RNF150: variants seen among roughly 807,000 people sequenced by gnomAD.
RNF150 encodes the protein ring finger protein 150.
RNF150 carries 24 observed loss-of-function variants against 39.3 expected under a neutral mutation model. That is an observed-to-expected ratio of 0.61 (90% CI 0.44 to 0.86). The LOEUF is 0.86. RNF150 is among the 40% of genes least tolerant of loss of function. RNF150 has a pLI of 0.00. For missense variants in RNF150, 502 were observed against 587.8 expected (o/e 0.85, Z 1.51); for synonymous variants, 255 against 227.3 (o/e 1.12, Z -1.10).
At chr4:140,995,111 TTAACCATCCCCAC>T (rs1419819210) in intron 1 of RNF150, among the ~76,000 whole-genome samples, 2 of 152,184 alleles carry the variant, frequency 1.3e-5, no homozygotes, top group Non-Finnish European at 2.9e-5. Flanking sequence ...TTTGTACCCA[TTAACCATCCCCAC>T]TCCAACCCTA....
chr4:141,131,342 C>G (rs1375100844), intron 1 of RNF150, among the ~76,000 whole-genome samples: 1 of 152,278 alleles, frequency 6.6e-6, no homozygotes, highest in Non-Finnish European at 1.5e-5. Context: ...CCAGAAACCC[C>G]TTTGGGGAAG....
chr4:141,180,020 A>G (rs1727878483), intron 1 of RNF150, among the ~76,000 whole-genome samples: 1 of 152,160 alleles, frequency 6.6e-6, no homozygotes, highest in African/African-American at 2.4e-5. Flanking sequence ...AGCATCTCAG[A>G]TAATTCGGTT....
chr4:140,914,495 A>C (rs1730737966), intron 5 of RNF150, among the ~76,000 whole-genome samples: 1 of 152,258 alleles, frequency 6.6e-6, no homozygotes, highest in African/African-American at 2.4e-5. Flanking sequence ...AATCTTGTGA[A>C]TACACCAGGT....
intron 1 of RNF150, among the ~76,000 whole-genome samples, chr4:141,116,085 A>G (rs1258604431): frequency 6.6e-6 from 1 of 152,236 alleles, no homozygotes; most frequent in African/African-American, 2.4e-5. Flanking sequence ...GGCATGGGCA[A>G]AGACTTCATG....
intron 1 of RNF150, among the ~76,000 whole-genome samples, chr4:141,055,090 T>C (rs1164748764): frequency 6.6e-6 from 1 of 152,154 alleles, no homozygotes; most frequent in East Asian, 1.9e-4. Context: ...TTGGAAGGAA[T>C]AGTGGTATGT....
At chr4:141,144,505 A>G (rs1022364478) in intron 1 of RNF150, among the ~76,000 whole-genome samples, 1 of 152,028 alleles carries the variant, frequency 6.6e-6, no homozygotes, top group Non-Finnish European at 1.5e-5. Context: ...GAGATCGTGA[A>G]TTCTATGCAG....
intron 4 of RNF150, among the ~76,000 whole-genome samples, chr4:140,935,008 A>AAT (rs1180384800): frequency 2.5e-5 from 2 of 80,038 alleles, no homozygotes; most frequent in East Asian, 3.3e-4. Flanking sequence ...TATATATATA[A>AAT]ATATATATAT....
At chr4:141,149,688 G>A (rs1727265347) in intron 1 of RNF150, among the ~76,000 whole-genome samples, 1 of 152,158 alleles carries the variant, frequency 6.6e-6, no homozygotes, top group Admixed American at 6.5e-5. Flanking sequence ...CAGTTGTGCT[G>A]CTATAAACAT....
intron 4 of RNF150, among the ~76,000 whole-genome samples, chr4:140,930,942 G>GTT (rs34765057): frequency 1.2e-3 from 188 of 151,136 alleles, no homozygotes; most frequent in South Asian, 1.1e-3. Flanking sequence ...ATCTGCTGGG[G>GTT]TTTTTTTTTG....
chr4:140,891,067 C>G (rs1729737700), intron 6 of RNF150, among the ~76,000 whole-genome samples: 2 of 152,174 alleles, frequency 1.3e-5, no homozygotes, highest in Admixed American at 1.3e-4. Flanking sequence ...TTATTATATT[C>G]CATGCTCATG....
At chr4:141,141,088 C>A (rs536815487) in intron 1 of RNF150, among the ~76,000 whole-genome samples, 1 of 152,184 alleles carries the variant, frequency 6.6e-6, no homozygotes, top group African/African-American at 2.4e-5. Flanking sequence ...AATGTATTTC[C>A]ATTGACTAGT....
intron 6 of RNF150, among the ~76,000 whole-genome samples, chr4:140,885,936 T>G (rs1265212828): frequency 6.6e-6 from 1 of 152,236 alleles, no homozygotes; most frequent in East Asian, 1.9e-4. Context: ...CTAAGAAGTA[T>G]GTACATCTCT....
intron 1 of RNF150, among the ~76,000 whole-genome samples, chr4:141,051,157 G>A (rs560737300): frequency 4.9e-4 from 74 of 152,236 alleles, no homozygotes; most frequent in Non-Finnish European, 8.2e-4. Flanking sequence ...TTTAGTCATG[G>A]CTGGAGCGAC....
At chr4:140,955,889 A>G (rs1579001158) in intron 2 of RNF150, among the ~76,000 whole-genome samples, 1 of 152,228 alleles carries the variant, frequency 6.6e-6, no homozygotes, top group Non-Finnish European at 1.5e-5. Flanking sequence ...CGTGCAAAAG[A>G]AATCAAAGGC....
At chr4:141,162,089 C>T (rs749697490) in intron 1 of RNF150, among the ~76,000 whole-genome samples, 3 of 152,174 alleles carry the variant, frequency 2.0e-5, no homozygotes, top group Non-Finnish European at 4.4e-5. Context: ...TGACAGTTTG[C>T]ACCACATGCC....
rs2110952080 is a variant in RNF150, at chr4:141,071,809, T to A, written c.484+60516A>T. Among the ~76,000 whole-genome samples the A allele has an allele frequency of 2.0e-5, 3 of 152,204 alleles. No individual in the cohort carries two copies. In the East Asian group the frequency reaches 5.8e-4, roughly 29 times the overall value. On this transcript the variant is annotated intron_variant, in intron 1 of 6. Transcript: ENST00000515673. ...CTTCAGAATAAAGGTATTCAGAAAA[T>A]CTTGACAGCACTGCATTTGTACAGT...
intron 1 of RNF150, among the ~76,000 whole-genome samples, chr4:141,187,985 C>T (rs186204525): frequency 9.7e-4 from 148 of 152,216 alleles, no homozygotes; most frequent in African/African-American, 3.3e-3. Context: ...TGGCTGGTAA[C>T]GGTTTTTCCT....
intron 1 of RNF150, among the ~76,000 whole-genome samples, chr4:140,994,902 A>G (rs1734314732): frequency 6.6e-6 from 1 of 152,190 alleles, no homozygotes; most frequent in East Asian, 1.9e-4. Context: ...AGGTATTTTG[A>G]TACAAGCATA....
intron 1 of RNF150, among the ~76,000 whole-genome samples, chr4:141,203,605 C>T (rs1728324357): frequency 6.6e-6 from 1 of 151,834 alleles, no homozygotes; most frequent in African/African-American, 2.4e-5. Context: ...AAGTTATTCT[C>T]AACCTTCCTG....
Sources: allele counts gnomAD v4.1 joint callset (sites outside exome capture counted in the v4.1 genomes callset), GRCh38; gene constraint gnomAD v4.1.1; transcripts MANE v1.5; gene names NCBI Gene and HGNC (gene_info 2026-07-23, HGNC 2026-07-21).